KIF1A: variants seen among roughly 807,000 people sequenced by gnomAD.
KIF1A encodes the protein kinesin family member 1A.
Under a neutral mutation model 227.3 loss-of-function variants are expected in KIF1A, and 46 were observed. That is an observed-to-expected ratio of 0.20 (90% CI 0.16 to 0.26). The LOEUF is 0.26. KIF1A is among the 10% of genes least tolerant of loss of function. The pLI, the probability that KIF1A is intolerant of heterozygous loss-of-function variation, is 1.00. For missense variants in KIF1A, 1,683 were observed against 2,485.9 expected (o/e 0.68, Z 6.87); for synonymous variants, 1,022 against 1,012.8 (o/e 1.01, Z -0.17).
intron 1 of KIF1A, among the ~76,000 whole-genome samples, chr2:240,814,199 CA>C (rs2058157174): frequency 6.6e-6 from 1 of 151,954 alleles, no homozygotes; most frequent in Non-Finnish European, 1.5e-5. Context: ...GTGAAGGGCC[CA>C]CCGAGTGCCA....
At chr2:240,786,577 G>T in intron 5 of KIF1A, 64 bp from the exon 6 acceptor site, 2 of 1,511,496 alleles carry the variant, frequency 1.3e-6, no homozygotes, top group African/African-American at 1.4e-5. Context: ...CCACTGGGGG[G>T]ACCCCTGAGT....
At position 240,741,332 on chromosome 2, in the gene KIF1A, G is replaced by A; in HGVS notation, c.3686C>T (p.Pro1229Leu). Residue 1229 changes from proline to leucine, a missense_variant, in exon 35 of 49, where the codon CCC becomes CTC. Physicochemically the swap from Pro to Leu is moderately conservative, Grantham distance 98. Transcript: ENST00000498729. ...CAGCAGGTCGTACTTGCAGTGGCAGGGTCCCGGACAGGGCCGCGTCAGTGT... is the reference window on the plus strand; with the variant it reads ...CAGCAGGTCGTACTTGCAGTGGCAGAGTCCCGGACAGGGCCGCGTCAGTGT... ...LSTLTRPCPG[P>L]CHCKYDLLVY... The A allele has an allele frequency of 6.3e-7, 1 of 1,598,228 alleles. No homozygotes were observed. The highest frequency in any genetic ancestry group is 8.5e-7 in the Non-Finnish European group (1 of 1,175,450).
In KIF1A at chr2:240,719,638, G is replaced by C. The variant is rs753375164; in HGVS notation, c.5021+136C>G. The C allele has an allele frequency of 3.8e-6, 4 of 1,045,794 alleles. No individual in the cohort carries two copies. The Admixed American group carries it at 9.4e-5, about 25-fold the overall frequency. 64.8% of individuals were successfully genotyped at this position (1,045,794 alleles called of 1,614,324 possible). ...CAGGGGCAGCCTGCCTGAACCTCCA[G>C]TATGGGCATCAGGCAACCTGTCTGT... On this transcript the variant is annotated intron_variant, in intron 46 of 48. Transcript: ENST00000498729.
chr2:240,757,149 C>T lies in KIF1A; in HGVS notation c.2858+170G>A, dbSNP rs2049941065. Among the ~76,000 whole-genome samples the T allele has an allele frequency of 6.6e-6, 1 of 152,228 alleles. No individual in the cohort carries two copies. Among genetic ancestry groups the T allele is most frequent in the African/African-American group, 2.4e-5 (1 of 41,470 alleles). On this transcript the variant is annotated intron_variant, in intron 27 of 48. Transcript: ENST00000498729. This position sits in a 1 kb window ranked among gnomAD's most constrained non-coding sequence, Gnocchi z 6.2. ...GGTGAGCAGCCCCACTGCAAGGATG[C>T]AGGGCCCGGGGGCCCTCGGGTGCTC...
chr2:240,767,037 A>T lies in KIF1A; in HGVS notation c.1578-16T>A. On this transcript the variant is annotated splice_polypyrimidine_tract_variant and intron_variant, in intron 18 of 48. Transcript: ENST00000498729. ...CCTGCCCACTCTGCGGGGTGGGGGC[A>T]CCATCAGCACGGCAGCTGGGACCCA... is the stretch of plus-strand genomic sequence containing the variant. 1 of 1,574,958 alleles carries T rather than the reference A, an allele frequency of 6.3e-7. No individual in the cohort carries two copies. Among genetic ancestry groups the T allele is most frequent in the Middle Eastern group, 1.7e-4 (1 of 5,974 alleles).
intron 10 of KIF1A, chr2:240,781,705 T>C (rs2054043808): frequency 2.1e-6 from 2 of 951,592 alleles, no homozygotes; most frequent in Admixed American, 6.2e-5. Flanking sequence ...CGCAGTGTCC[T>C]GTGCCGTTTC....
At chr2:240,728,184 TC>T (rs2046245645) in intron 38 of KIF1A, among the ~76,000 whole-genome samples, 1 of 152,070 alleles carries the variant, frequency 6.6e-6, no homozygotes, top group African/African-American at 2.4e-5. Context: ...GGCATGGATC[TC>T]ACAAGTCGGG....
chr2:240,737,001 C>CT, intron 38 of KIF1A, 62 bp downstream of exon 38: 1 of 1,381,602 alleles, frequency 7.2e-7, no homozygotes. Context: ...GCCGGGTTGG[C>CT]TGAGGGCCTG....
At chr2:240,753,597 A>G (rs951482706) in intron 27 of KIF1A, among the ~76,000 whole-genome samples, 1 of 152,140 alleles carries the variant, frequency 6.6e-6, no homozygotes, top group African/African-American at 2.4e-5. Context: ...GCATCTGTGG[A>G]GGCTCCCTAG....
intron 10 of KIF1A, among the ~76,000 whole-genome samples, chr2:240,780,848 C>CA (rs1559522638): frequency 4.9e-4 from 10 of 20,240 alleles, no homozygotes; most frequent in Non-Finnish European, 6.9e-4. Flanking sequence ...ACACACAGCT[C>CA]CACACACACA....
intron 27 of KIF1A, among the ~76,000 whole-genome samples, chr2:240,753,077 G>A (rs2049415042): frequency 6.6e-6 from 1 of 152,208 alleles, no homozygotes; most frequent in Non-Finnish European, 1.5e-5. Context: ...CCATCCACAT[G>A]TGCCACTCAT....
Position 240,749,796 on chromosome 2 carries a change from C to T in KIF1A, c.2977+633G>A, listed in dbSNP as rs1246113761. 5.3e-5 allele frequency among the ~76,000 whole-genome samples: 8 copies of T among 152,358 alleles called. No homozygotes were observed. In the East Asian group the frequency reaches 1.2e-3, roughly 22 times the overall value. On this transcript the variant is annotated intron_variant, in intron 28 of 48. Transcript: ENST00000498729. ...CCATCCGGAGCAGGCTGAGCAGCAC[C>T]AGTCTCCACCTCCCACAAGGGAGGG...
chr2:240,718,861 C>T (rs2044897355), intron 47 of KIF1A, 145 bp downstream of exon 47: 1 of 656,826 alleles, frequency 1.5e-6, no homozygotes, highest in Non-Finnish European at 2.5e-6. Flanking sequence ...GGCTGAGTCC[C>T]TGAGCCCAGC....
intron 38 of KIF1A, chr2:240,734,709 C>T: frequency 7.7e-7 from 1 of 1,304,380 alleles, no homozygotes; most frequent in Non-Finnish European, 1.0e-6. Flanking sequence ...CCAAGGGTCA[C>T]AGATGATACC....
intron 1 of KIF1A, among the ~76,000 whole-genome samples, chr2:240,807,867 C>T (rs1285669795): frequency 1.3e-5 from 2 of 152,124 alleles, no homozygotes; most frequent in African/African-American, 4.8e-5. Context: ...ATTAGGATAG[C>T]TATTATTATA....
intron 33 of KIF1A, 22 bp downstream of exon 33, chr2:240,743,920 C>G: frequency 6.6e-7 from 1 of 1,513,234 alleles, no homozygotes; most frequent in Non-Finnish European, 9.2e-7. Context: ...CAGCCCCGAA[C>G]CCCCCGACCC....
rs542830655 is a variant in KIF1A at position 240,763,420 on chromosome 2, G to A, written c.1769-74C>T. The A allele has an allele frequency of 1.6e-4, 232 of 1,414,778 alleles. 1 individual carries two copies. In the African/African-American group the frequency reaches 2.3e-3, roughly 14 times the overall value. 87.6% of individuals were successfully genotyped at this position (1,414,778 alleles called of 1,614,324 possible). A position where few individuals can be genotyped will look rare whatever the true frequency, so the allele number is the denominator to read the frequency against. ...CCCTGATGGTCTCAAGCGGGGAGGC[G>A]TGAGGAGAAAGGGGAACGGGTGCAG... On this transcript the variant is annotated intron_variant, in intron 20 of 48. Coordinates refer to ENST00000498729, the MANE Select transcript of KIF1A (RefSeq NM_001244008.2).
In KIF1A at chr2:240,788,830, G is replaced by C. The variant is rs2055273280; in HGVS notation, c.183+406C>G. On this transcript the variant is annotated intron_variant, in intron 3 of 48. Coordinates refer to ENST00000498729, the MANE Select transcript of KIF1A (RefSeq NM_001244008.2). This position sits in a 1 kb window ranked among gnomAD's most constrained non-coding sequence, Gnocchi z 6.6. ...TTCTAGAAGGGTCCAGGAGGTGGCA[G>C]GTGGAAGACAGGGCTCAGTGTGGAC... Among the ~76,000 whole-genome samples, 1 of 152,144 alleles carries C rather than the reference G, an allele frequency of 6.6e-6. No homozygotes were observed. The highest frequency in any genetic ancestry group is 1.5e-5 in the Non-Finnish European group (1 of 68,006).
Position 240,718,317 on chromosome 2 carries a change from G to T in KIF1A, c.5215-149C>A, listed in dbSNP as rs1193085022. On this transcript the variant is annotated intron_variant, in intron 47 of 48. Coordinates refer to ENST00000498729, the MANE Select transcript of KIF1A (RefSeq NM_001244008.2). ...CGGAGGGGACAAAGAGGGGAAGGCT[G>T]ACCCAGCCAGGGCTGTGACTGCCTT... 6 of 686,628 alleles carry T rather than the reference G, an allele frequency of 8.7e-6. No homozygotes were observed. The African/African-American group carries it at 1.1e-4, about 12-fold the overall frequency. The allele number at this position is 686,628 out of a possible 1,614,324, so 42.5% of individuals were successfully genotyped here.
Sources: allele counts gnomAD v4.1 joint callset (sites outside exome capture counted in the v4.1 genomes callset), GRCh38; gene constraint gnomAD v4.1.1; non-coding constraint Gnocchi (gnomAD v3.1); transcripts MANE v1.5; gene names NCBI Gene and HGNC (gene_info 2026-07-23, HGNC 2026-07-21).